The following RAPGEFL1 variants were observed in gnomAD, a reference collection of about 807,000 sequenced individuals.
RAPGEFL1 encodes the protein Rap guanine nucleotide exchange factor like 1.
A neutral mutation model predicts 64.4 loss-of-function variants in RAPGEFL1; 31 were observed. The ratio of observed to expected loss-of-function variants is 0.48; its 90% CI spans 0.36 to 0.65. The LOEUF (loss-of-function observed/expected upper bound fraction) is 0.65. Ranked by LOEUF, RAPGEFL1 falls within the 30% of genes least tolerant of loss-of-function variation. The probability of loss-of-function intolerance (pLI) is 0.00; values close to 1 mark genes in which losing one functional copy is unlikely to be tolerated. For missense variants in RAPGEFL1, 682 were observed against 677.4 expected (o/e 1.01, Z -0.08); for synonymous variants, 331 against 274.1 (o/e 1.21, Z -2.05).
chr17:40,192,381 C>G lies in RAPGEFL1; in HGVS notation c.1656+118C>G. 3.4e-6 allele frequency: 4 copies of G among 1,188,414 alleles called. No homozygotes were observed. In the South Asian group the frequency reaches 3.8e-5, roughly 11 times the overall value. The allele number at this position is 1,188,414 out of a possible 1,614,324, so 73.6% of individuals were successfully genotyped here. A position where few individuals can be genotyped will look rare whatever the true frequency, so the allele number is the denominator to read the frequency against. ...GGTGTTTAGTGTATGGGACCCCCCA[C>G]CCTCCTTACCATGCTGGAGGGTGAG... On this transcript the variant is annotated intron_variant, in intron 11 of 14. Coordinates refer to ENST00000620260, the MANE Select transcript of RAPGEFL1 (RefSeq NM_016339.6).
At chr17:40,192,723 T>G (rs367857566) in intron 12 of RAPGEFL1, 30 bp downstream of exon 12, 11 of 1,584,974 alleles carry the variant, frequency 6.9e-6, no homozygotes, top group Non-Finnish European at 8.7e-6. Context: ...GCTGTGCCGC[T>G]TCCACCCATG....
Position 40,192,604 on chromosome 17 carries a change from A to G in RAPGEFL1, c.1657-2A>G. 6.2e-7 allele frequency: 1 copy of G among 1,612,062 alleles called. No homozygotes were observed. Among genetic ancestry groups the G allele is most frequent in the Non-Finnish European group, 8.5e-7 (1 of 1,178,668 alleles). On this transcript the variant is annotated splice_acceptor_variant, in intron 11 of 14. Transcript: ENST00000620260. LOFTEE classifies it high-confidence loss of function. ...CTTGATCTCTCTCCTGTGGAATACT[A>G]GGACCCCTGCAGGAACCACAAAAGC...
chr17:40,192,165 C>A (rs780059579), intron 10 of RAPGEFL1, 48 bp from the exon 11 acceptor site: 1 of 1,552,030 alleles, frequency 6.4e-7, no homozygotes, highest in Non-Finnish European at 8.9e-7. Context: ...CCATGTAACC[C>A]AAGGAGCTCC....
chr17:40,177,460 G>A (rs1308425048), upstream of RAPGEFL1: 6 of 642,758 alleles, frequency 9.3e-6, no homozygotes, highest in Middle Eastern at 4.1e-4. Flanking sequence ...GCGCGGTCTC[G>A]GTTCTGCCAC....
At chr17:40,190,067 G>A (rs778162534) in intron 6 of RAPGEFL1, among the ~76,000 whole-genome samples, 93 of 152,302 alleles carry the variant, frequency 6.1e-4, no homozygotes, top group Non-Finnish European at 1.2e-3. Flanking sequence ...CCCTGTGTAT[G>A]TAAGGATGCC....
At chr17:40,190,877 G>C (rs1990238962) in intron 8 of RAPGEFL1, 115 bp downstream of exon 8, 1 of 1,463,234 alleles carries the variant, frequency 6.8e-7, no homozygotes, top group African/African-American at 1.4e-5. Context: ...CAAGCCCTTG[G>C]GCAACGCATG....
chr17:40,183,645 G>A (rs1446427076), intron 2 of RAPGEFL1, among the ~76,000 whole-genome samples: 5 of 148,456 alleles, frequency 3.4e-5, no homozygotes, highest in East Asian at 4.0e-4. Flanking sequence ...TCAGCCTCCC[G>A]AGTAGCTGGG....
chr17:40,191,343 G>A lies in RAPGEFL1; in HGVS notation c.1363G>A (p.Gly455Arg), dbSNP rs774430263. The A allele has an allele frequency of 1.4e-5, 23 of 1,589,836 alleles. No individual in the cohort carries two copies. Among genetic ancestry groups the A allele is most frequent in the Admixed American group, 1.7e-5 (1 of 58,064 alleles). Residue 455 changes from glycine (G) to arginine (R), a missense_variant, in exon 9 of 15, where the codon GGG becomes AGG. Physicochemically the swap from Gly to Arg is moderately radical, Grantham distance 125 (BLOSUM62 -2). Coordinates refer to ENST00000620260, the MANE Select transcript of RAPGEFL1 (RefSeq NM_016339.6). This position sits in a 1 kb window ranked among gnomAD's most constrained non-coding sequence, Gnocchi z 5.1. ...GGAGTTCGTGGACTACGTGTTCCAC[G>A]GGGAGCGCGGCCGCCGGGAGACGGC... ...ELEFVDYVFH[G>R]ERGRRETANL...
intron 4 of RAPGEFL1, among the ~76,000 whole-genome samples, chr17:40,187,888 C>T (rs1990130530): frequency 6.7e-6 from 1 of 148,666 alleles, no homozygotes; most frequent in Admixed American, 6.8e-5. Flanking sequence ...GCTGAGATTA[C>T]AGGCGTGAGC....
rs1001385000 is a variant in RAPGEFL1 at position 40,192,210 on chromosome 17, C to T, written c.1606-3C>T. 6.2e-7 allele frequency: 1 copy of T among 1,613,648 alleles called. No homozygotes were observed. The highest frequency in any genetic ancestry group is 8.5e-7 in the Non-Finnish European group (1 of 1,179,532). On this transcript the variant is annotated splice_polypyrimidine_tract_variant and splice_region_variant and intron_variant, in intron 10 of 14. Coordinates refer to ENST00000620260, the MANE Select transcript of RAPGEFL1 (RefSeq NM_016339.6). The stretch of plus-strand genomic sequence containing the variant: ...TCCCTTCTCCTTCCTTCAAACTCTG[C>T]AGAAGCTGCCAGGGAAATTCAAGAA...
rs1598448828 is a variant in RAPGEFL1, at chr17:40,194,012, C to A, written c.*224C>A. 1 of 531,826 alleles carries A rather than the reference C, an allele frequency of 1.9e-6. No homozygotes were observed. Among genetic ancestry groups the A allele is most frequent in the Non-Finnish European group, 3.3e-6 (1 of 300,602 alleles). The allele number at this position is 531,826 out of a possible 1,614,324, so 32.9% of individuals were successfully genotyped here. On this transcript the variant is annotated 3_prime_UTR_variant, in exon 15 of 15. Transcript: ENST00000620260. ...AAAACTACACTTTGCTGGTTCCTGT[C>A]CCCTCTGAGAAAGGGGATAGAAAGC...
At position 40,177,640 on chromosome 17, in the gene RAPGEFL1, G is replaced by T. The variant is rs963929187; in HGVS notation, c.-222G>T. 2.9e-5 allele frequency: 12 copies of T among 407,812 alleles called. No individual in the cohort carries two copies. Among genetic ancestry groups the T allele is most frequent in the African/African-American group, 2.5e-4 (12 of 48,252 alleles). 25.3% of individuals were successfully genotyped at this position (407,812 alleles called of 1,614,324 possible). On this transcript the variant is annotated 5_prime_UTR_variant, in exon 1 of 15. Coordinates refer to ENST00000620260, the MANE Select transcript of RAPGEFL1 (RefSeq NM_016339.6). ...GTGCCGGCTGCAGCCGGCATGGGGG[G>T]TTGCTGAGAGCGAGCACTCCTTTCC...
In RAPGEFL1 at chr17:40,189,277, A is replaced by C. The variant is rs1274937922; in HGVS notation, c.1016A>C (p.Gln339Pro). Reference sequence around the variant, plus strand: ...CGCAGCCGCCTTTCAGCATCTGTGCAGGACATTCTGGGCTCTGTGACGGAG... The same window carrying C: ...CGCAGCCGCCTTTCAGCATCTGTGCCGGACATTCTGGGCTCTGTGACGGAG... ...TIRSRLSASVQDILGSVTEKL... is the reference protein window; with the variant it reads ...TIRSRLSASVPDILGSVTEKL... Residue 339 changes from glutamine to proline, a missense_variant, in exon 6 of 15, where the codon CAG (glutamine) becomes CCG (proline). Coordinates refer to ENST00000620260, the MANE Select transcript of RAPGEFL1 (RefSeq NM_016339.6). 1 of 1,614,168 alleles carries C rather than the reference A, an allele frequency of 6.2e-7. No individual in the cohort carries two copies. Among genetic ancestry groups the C allele is most frequent in the Middle Eastern group, 1.6e-4 (1 of 6,062 alleles).
In RAPGEFL1 at chr17:40,194,279, GTGTGTGTGTGTC is replaced by G. The variant is rs1990387024; in HGVS notation, c.*493_*504del. On this transcript the variant is annotated 3_prime_UTR_variant, in exon 15 of 15. Transcript: ENST00000620260. The stretch of plus-strand genomic sequence containing the variant: ...TGTGTGTGTGTGTGTGTGTGTGTGT[GTGTGTGTGTGTC>G]TTCTTTTAGGGAGCAGGAGTGCATC... 1.4e-5 allele frequency: 2 copies of G among 141,624 alleles called. No individual in the cohort carries two copies. The highest frequency in any genetic ancestry group is 6.7e-5 in the Admixed American group (1 of 14,924). The allele number at this position is 141,624 out of a possible 1,614,324, so 8.8% of individuals were successfully genotyped here. A position where few individuals can be genotyped will look rare whatever the true frequency, so the allele number is the denominator to read the frequency against.
At position 40,178,283 on chromosome 17, in the gene RAPGEFL1, C is replaced by A; in HGVS notation, c.422C>A (p.Pro141His). 1.5e-6 allele frequency: 1 copy of A among 647,998 alleles called. No homozygotes were observed. Among genetic ancestry groups the A allele is most frequent in the East Asian group, 3.1e-5 (1 of 31,826 alleles). The allele number at this position is 647,998 out of a possible 1,614,324, so 40.1% of individuals were successfully genotyped here. ...CCAGGCGAGCCCTTGACTTCGCCGC[C>A]CTGGGCCCCTCTGGGCGCCCCCGAG... is the stretch of plus-strand genomic sequence containing the variant. The part of the protein sequence containing the change: ...LSPGEPLTSP[P>H]WAPLGAPERP... The change falls in exon 1 of 15, where the codon CCC becomes CAC. Residue 141 changes from proline to histidine, a missense_variant. Pro to His is a moderately conservative substitution (Grantham distance 77). Coordinates refer to ENST00000620260, the MANE Select transcript of RAPGEFL1 (RefSeq NM_016339.6).
intron 6 of RAPGEFL1, 145 bp downstream of exon 6, chr17:40,189,520 AC>A: frequency 5.5e-6 from 5 of 915,540 alleles, no homozygotes; most frequent in Non-Finnish European, 6.5e-6. Context: ...TCGCCTGGGA[AC>A]TTGTTAGGAT....
rs1990230559 is a variant in RAPGEFL1 at position 40,190,703 on chromosome 17, G to A, written c.1276G>A (p.Glu426Lys). The stretch of plus-strand genomic sequence containing the variant: ...CACAGAGATCCACCGAGTGGAGCCT[G>A]AGGACGTTGCCAACCACCTAACTGC... ...GDTEIHRVEP[E>K]DVANHLTAFH... is the part of the protein sequence containing the mutation. Residue 426 changes from glutamate (E) to lysine (K), a missense_variant, in exon 8 of 15, where the codon GAG (glutamate) becomes AAG (lysine). Around this residue, in one of 2 missense-constraint regions of RAPGEFL1, gnomAD observed 411 missense variants for 519.4 expected, o/e 0.79. Transcript: ENST00000620260. 4.3e-6 allele frequency: 7 copies of A among 1,614,238 alleles called. No individual in the cohort carries two copies. Among genetic ancestry groups the A allele is most frequent in the Non-Finnish European group, 5.1e-6 (6 of 1,180,048 alleles).
chr17:40,185,916 A>G (rs1422562927), intron 4 of RAPGEFL1, among the ~76,000 whole-genome samples: 1 of 151,180 alleles, frequency 6.6e-6, no homozygotes, highest in Non-Finnish European at 1.5e-5. Flanking sequence ...GTGAGCTGAA[A>G]TCACCTTACT....
intron 4 of RAPGEFL1, among the ~76,000 whole-genome samples, chr17:40,185,939 G>T (rs1990056288): frequency 6.6e-6 from 1 of 151,434 alleles, no homozygotes; most frequent in Non-Finnish European, 1.5e-5. Flanking sequence ...ACTACAGCCT[G>T]GGTGACAGAG....
Sources: allele counts gnomAD v4.1 joint callset (sites outside exome capture counted in the v4.1 genomes callset), GRCh38; gene constraint gnomAD v4.1.1; regional missense constraint gnomAD v4.1.1; non-coding constraint Gnocchi (gnomAD v3.1); transcripts MANE v1.5; gene names NCBI Gene and HGNC (gene_info 2026-07-23, HGNC 2026-07-21).